The following TARS2 variants were observed in gnomAD, a reference collection of about 807,000 sequenced individuals.
The protein encoded by TARS2 is threonine--tRNA ligase, mitochondrial.
In TARS2, 61 loss-of-function variants were observed where a neutral mutation model predicts 94.4. The observed-to-expected ratio is 0.65, with a 90% CI of 0.53 to 0.80. The LOEUF (loss-of-function observed/expected upper bound fraction) is 0.80. TARS2 is among the 30% of genes least tolerant of loss of function. The probability of loss-of-function intolerance (pLI) is 0.00; values close to 1 mark genes in which losing one functional copy is unlikely to be tolerated. For missense variants in TARS2, 704 were observed against 902.5 expected (o/e 0.78, Z 2.82); for synonymous variants, 359 against 353.4 (o/e 1.02, Z -0.18).
intron 1 of TARS2, 45 bp from the exon 2 acceptor site, chr1:150,487,813 G>A (rs764666242): frequency 6.3e-7 from 1 of 1,584,716 alleles, no homozygotes; most frequent in African/African-American, 1.4e-5. Context: ...TTCTAAGAAA[G>A]AATGATGGGA....
chr1:150,497,530 G>A lies in TARS2; in HGVS notation c.1021G>A (p.Ala341Thr). The A allele has an allele frequency of 6.2e-7, 1 of 1,613,714 alleles. No individual in the cohort carries two copies. Among genetic ancestry groups the A allele is most frequent in the Non-Finnish European group, 8.5e-7 (1 of 1,179,914 alleles). Residue 341 changes from alanine (A) to threonine (T), a missense_variant and splice_region_variant, in exon 10 of 18, where the codon GCT becomes ACT. Transcript: ENST00000369064. Reference sequence around the variant, plus strand: ...TCCATGTCTGTACCCTCCTCTCCAGGCTGAGTATGCCCATCGTGGTTTCTC... The same window carrying A: ...TCCATGTCTGTACCCTCCTCTCCAGACTGAGTATGCCCATCGTGGTTTCTC... ...VYNALVAFIR[A>T]EYAHRGFSEV... is the part of the protein sequence containing the mutation.
chr1:150,505,367 G>T (rs1560259732), intron 16 of TARS2, among the ~76,000 whole-genome samples: 1 of 152,108 alleles, frequency 6.6e-6, no homozygotes, highest in African/African-American at 2.4e-5. Context: ...AATAACTGGG[G>T]GGTCATCTCC....
chr1:150,489,004 G>T lies in TARS2; in HGVS notation c.304G>T (p.Gly102Ter). The change falls in exon 3 of 18, where the codon GGA (glycine) becomes TGA (stop). Residue 102 changes from glycine (G) to a stop codon, truncating the protein, a stop_gained. Coordinates refer to ENST00000369064, the MANE Select transcript of TARS2 (RefSeq NM_025150.5). LOFTEE classifies it high-confidence loss of function. ...ADTAVAAQVN[G>*]EPYDLERPLE... ...TACTGCAGTGGCTGCTCAAGTGAATGGAGAACCTTATGATCTGGAGCGGCC... is the reference window on the plus strand; with the variant it reads ...TACTGCAGTGGCTGCTCAAGTGAATTGAGAACCTTATGATCTGGAGCGGCC... 6.2e-7 allele frequency: 1 copy of T among 1,614,168 alleles called. No individual in the cohort carries two copies. Among genetic ancestry groups the T allele is most frequent in the Non-Finnish European group, 8.5e-7 (1 of 1,180,016 alleles).
rs748946128 is a variant in TARS2, at chr1:150,496,557, A to G, written c.850A>G (p.Thr284Ala). 2 of 1,614,138 alleles carry G rather than the reference A, an allele frequency of 1.2e-6. No individual in the cohort carries two copies. Among genetic ancestry groups the G allele is most frequent in the South Asian group, 2.2e-5 (2 of 91,092 alleles). Residue 284 changes from threonine (T) to alanine (A), a missense_variant, in exon 8 of 18, where the codon ACA becomes GCA. By Grantham distance (58) the Thr-to-Ala change is moderately conservative. This residue lies in a region of TARS2 where 466 missense variants were observed against 609.5 expected (regional missense o/e 0.76). Transcript: ENST00000369064. The stretch of plus-strand genomic sequence containing the variant: ...AGTGTCAGGGATTTCCTTCCCCACA[A>G]CAGAATTGCTGAGGGTCTGGGAAGC... ...QRVSGISFPT[T>A]ELLRVWEAWR...
At chr1:150,498,392 AG>A in intron 10 of TARS2, 109 bp from the exon 11 acceptor site, 1 of 1,323,454 alleles carries the variant, frequency 7.6e-7, no homozygotes, top group Non-Finnish European at 1.0e-6. Context: ...GAGGCTGGAG[AG>A]GGTTATAGCA....
chr1:150,489,721 A>G (rs992570394), intron 3 of TARS2, among the ~76,000 whole-genome samples: 1 of 152,196 alleles, frequency 6.6e-6, no homozygotes, highest in South Asian at 2.1e-4. Context: ...CAGGTGGATC[A>G]TCTGAGGTCA....
intron 10 of TARS2, 117 bp from the exon 11 acceptor site, chr1:150,498,385 G>A (rs1006061182): frequency 2.1e-5 from 27 of 1,284,048 alleles, no homozygotes; most frequent in Non-Finnish European, 2.7e-5. Flanking sequence ...ATGTGCTGAG[G>A]CTGGAGAGGG....
In TARS2 at chr1:150,490,633, G is replaced by A. The variant is rs1441723059; in HGVS notation, c.420G>A (p.Gly140=). ...GGCACTCCAGCACCCATGTCCTGGG[G>A]GCAGCAGCTGAACAATTCCTAGGTG... ...VFWHSSTHVL[G]AAAEQFLGAV... The change falls in exon 4 of 18, where the codon GGG becomes GGA. Residue 140 remains glycine (G), a synonymous_variant. Coordinates refer to ENST00000369064, the MANE Select transcript of TARS2 (RefSeq NM_025150.5). The A allele has an allele frequency of 1.9e-6, 3 of 1,613,924 alleles. No homozygotes were observed. Among genetic ancestry groups the A allele is most frequent in the Non-Finnish European group, 2.5e-6 (3 of 1,179,986 alleles).
At chr1:150,497,041 C>A in intron 9 of TARS2, 133 bp downstream of exon 9, 1 of 821,886 alleles carries the variant, frequency 1.2e-6, no homozygotes, top group Non-Finnish European at 1.9e-6. Context: ...CTAGCACTTT[C>A]GGAGGCTGAG....
chr1:150,497,874 C>T lies in TARS2; in HGVS notation c.1238+127C>T, dbSNP rs1570852919. 5.3e-6 allele frequency: 5 copies of T among 941,778 alleles called. No homozygotes were observed. In the South Asian group the frequency reaches 8.6e-5, roughly 16 times the overall value. The allele number at this position is 941,778 out of a possible 1,614,324, so 58.3% of individuals were successfully genotyped here. On this transcript the variant is annotated intron_variant, in intron 10 of 17. Transcript: ENST00000369064. ...TGGGAGGCCGAGGCGGGCGGATCAC[C>T]TGAGGTCGGGAGTTTGAGACCAGCC... is the stretch of plus-strand genomic sequence containing the variant.
In TARS2 at chr1:150,499,302, G is replaced by A; in HGVS notation, c.1617+9G>A. 1 of 1,613,742 alleles carries A rather than the reference G, an allele frequency of 6.2e-7. No individual in the cohort carries two copies. Among genetic ancestry groups the A allele is most frequent in the Non-Finnish European group, 8.5e-7 (1 of 1,179,764 alleles). On this transcript the variant is annotated intron_variant, in intron 13 of 17. Coordinates refer to ENST00000369064, the MANE Select transcript of TARS2 (RefSeq NM_025150.5). ...CCTTCTATGGACCTAAGGTAAGCTT[G>A]GGACCCTGGTTAGTGTTGTATTTAT...
At chr1:150,492,794 A>G (rs1237492242) in intron 7 of TARS2, among the ~76,000 whole-genome samples, 1 of 134,116 alleles carries the variant, frequency 7.5e-6, no homozygotes, top group Non-Finnish European at 1.6e-5. Context: ...TGGGCAACAG[A>G]GCGAGAGTCC....
Position 150,497,813 on chromosome 1 carries a change from C to T in TARS2, c.1238+66C>T, listed in dbSNP as rs185723653. The T allele has an allele frequency of 2.7e-5, 41 of 1,500,034 alleles. No homozygotes were observed. The Admixed American group carries it at 4.2e-4, about 15-fold the overall frequency. The allele number at this position is 1,500,034 out of a possible 1,614,324, so 92.9% of individuals were successfully genotyped here. ...TAAATAATAGAAAGCACCTTGGGGCCGGGCACGGTGGCTCACGCCTGTAAT... is the reference window on the plus strand; with the variant it reads ...TAAATAATAGAAAGCACCTTGGGGCTGGGCACGGTGGCTCACGCCTGTAAT... On this transcript the variant is annotated intron_variant, in intron 10 of 17. Transcript: ENST00000369064.
Position 150,487,660 on chromosome 1 carries a change from G to A in TARS2, c.66+144G>A, listed in dbSNP as rs945177519. On this transcript the variant is annotated intron_variant, in intron 1 of 17. Transcript: ENST00000369064. The stretch of plus-strand genomic sequence containing the variant: ...CAGAAAAGGACTCGTATCTAAACTC[G>A]TTATCTAATTCTCGAGTTAGCGGTC... 4.6e-6 allele frequency: 6 copies of A among 1,305,422 alleles called. No individual in the cohort carries two copies. The East Asian group carries it at 9.9e-5, about 22-fold the overall frequency. The allele number at this position is 1,305,422 out of a possible 1,614,324, so 80.9% of individuals were successfully genotyped here. A position where few individuals can be genotyped will look rare whatever the true frequency, so the allele number is the denominator to read the frequency against.
intron 17 of TARS2, 112 bp from the exon 18 acceptor site, chr1:150,506,804 T>C: frequency 1.4e-6 from 2 of 1,415,888 alleles, no homozygotes; most frequent in Non-Finnish European, 1.9e-6. Context: ...ATATCTGGGC[T>C]CTGCTCCCAC....
rs906673701 is a variant in TARS2, at chr1:150,497,807, T to C, written c.1238+60T>C. Reference sequence around the variant, plus strand: ...AAATATTAAATAATAGAAAGCACCTTGGGGCCGGGCACGGTGGCTCACGCC... The same window carrying C: ...AAATATTAAATAATAGAAAGCACCTCGGGGCCGGGCACGGTGGCTCACGCC... On this transcript the variant is annotated intron_variant, in intron 10 of 17. Transcript: ENST00000369064. 1.6e-5 allele frequency: 24 copies of C among 1,532,322 alleles called. No homozygotes were observed. The African/African-American group carries it at 2.6e-4, about 17-fold the overall frequency. The allele number at this position is 1,532,322 out of a possible 1,614,324, so 94.9% of individuals were successfully genotyped here.
chr1:150,493,946 C>T (rs1322577785), intron 7 of TARS2, among the ~76,000 whole-genome samples: 2 of 152,076 alleles, frequency 1.3e-5, no homozygotes, highest in African/African-American at 4.8e-5. Context: ...CACTTGAGAT[C>T]AGCCTGGCCA....
Position 150,504,751 on chromosome 1 carries a change from G to C in TARS2, c.1820+18G>C, listed in dbSNP as rs748650608. 1 of 1,613,992 alleles carries C rather than the reference G, an allele frequency of 6.2e-7. No homozygotes were observed. Among genetic ancestry groups the C allele is most frequent in the South Asian group, 1.1e-5 (1 of 91,066 alleles). On this transcript the variant is annotated intron_variant, in intron 15 of 17. Transcript: ENST00000369064. ...GGGAAATGGTGAGACCTCTGACCTG[G>C]ATTTCTGTTCTGGCCCCAAACCGGA...
At position 150,499,277 on chromosome 1, in the gene TARS2, C is replaced by A; in HGVS notation, c.1601C>A (p.Ala534Asp). Residue 534 changes from alanine to aspartate, a missense_variant, in exon 13 of 18, where the codon GCC becomes GAC. Around this residue, in one of 3 missense-constraint regions of TARS2, gnomAD observed 466 missense variants for 609.5 expected, o/e 0.76. Coordinates refer to ENST00000369064, the MANE Select transcript of TARS2 (RefSeq NM_025150.5). ...EPWDLNSGDGAFYGPKIDVHL... is the reference protein window; with the variant it reads ...EPWDLNSGDGDFYGPKIDVHL... ...TGGGACCTCAACTCTGGAGATGGTG[C>A]CTTCTATGGACCTAAGGTAAGCTTG... 3 of 1,614,032 alleles carry A rather than the reference C, an allele frequency of 1.9e-6. No individual in the cohort carries two copies. Among genetic ancestry groups the A allele is most frequent in the Non-Finnish European group, 2.5e-6 (3 of 1,179,996 alleles).
Sources: allele counts gnomAD v4.1 joint callset (sites outside exome capture counted in the v4.1 genomes callset), GRCh38; gene constraint gnomAD v4.1.1; regional missense constraint gnomAD v4.1.1; transcripts MANE v1.5; gene names NCBI Gene and HGNC (gene_info 2026-07-23, HGNC 2026-07-21).